Variants in CTBP2 observed in about 807,000 individuals in gnomAD.
CTBP2 encodes the protein C-terminal-binding protein 2.
Under a neutral mutation model 80.3 loss-of-function variants are expected in CTBP2, and 30 were observed. That is an observed-to-expected ratio of 0.37 (90% CI 0.28 to 0.51). The LOEUF (loss-of-function observed/expected upper bound fraction) is 0.51, where lower values mean the gene tolerates loss of function less well. CTBP2 is among the 20% of genes least tolerant of loss of function. The pLI, the probability that CTBP2 is intolerant of heterozygous loss-of-function variation, is 0.93. For missense variants in CTBP2, 1,212 were observed against 1,375.3 expected (o/e 0.88, Z 1.88); for synonymous variants, 594 against 587.4 (o/e 1.01, Z -0.16).
chr10:125,063,312 AC>A (rs773652508), intron 2 of CTBP2, among the ~76,000 whole-genome samples: 5 of 152,188 alleles, frequency 3.3e-5, no homozygotes, highest in Non-Finnish European at 5.9e-5. Context: ...CTTAAGAAAT[AC>A]GGAGAATTTA....
At chr10:125,039,382 C>T (rs1959178889) in intron 2 of CTBP2, among the ~76,000 whole-genome samples, 1 of 152,240 alleles carries the variant, frequency 6.6e-6, no homozygotes, top group Non-Finnish European at 1.5e-5. Context: ...ACAAGACAAT[C>T]GTCAGTTATT....
chr10:124,989,911 A>G (rs1264860288), intron 8 of CTBP2, among the ~76,000 whole-genome samples: 2 of 151,696 alleles, frequency 1.3e-5, no homozygotes, highest in African/African-American at 4.8e-5. Flanking sequence ...TAGTTTTTGT[A>G]TTTTTTTGTA....
Position 124,993,319 on chromosome 10 carries a change from C to A in CTBP2, c.2542G>T (p.Gly848Cys), listed in dbSNP as rs1029335229. The change falls in exon 7 of 9, where the codon GGT becomes TGT. Residue 848 changes from glycine (G) to cysteine (C), a missense_variant. Around this residue, in one of 3 missense-constraint regions of CTBP2, gnomAD observed 335 missense variants for 504.7 expected, o/e 0.66. Transcript: ENST00000309035. Reference sequence around the variant, plus strand: ...AGATTCGGGGCATCTTTCAACGGACCCTGAGCAAAGCTAGAAAAATGTAGA... The same window carrying A: ...AGATTCGGGGCATCTTTCAACGGACACTGAGCAAAGCTAGAAAAATGTAGA... 2.5e-6 allele frequency: 4 copies of A among 1,607,582 alleles called. No individual in the cohort carries two copies. Among genetic ancestry groups the A allele is most frequent in the East Asian group, 2.2e-5 (1 of 44,706 alleles).
chr10:125,145,884 G>A (rs1423507908), intron 1 of CTBP2, among the ~76,000 whole-genome samples: 1 of 151,984 alleles, frequency 6.6e-6, no homozygotes, highest in East Asian at 1.9e-4. Context: ...GTTTCCCAAG[G>A]GCATTTTCAA....
intron 5 of CTBP2, 52 bp downstream of exon 7, chr10:124,994,417 A>G: frequency 1.3e-6 from 2 of 1,571,748 alleles, no homozygotes; most frequent in Admixed American, 3.4e-5. Flanking sequence ...GCCCACAAGC[A>G]AGTGCTACCA....
intron 1 of CTBP2, among the ~76,000 whole-genome samples, chr10:125,151,069 G>A (rs1355294123): frequency 6.6e-6 from 1 of 152,098 alleles, no homozygotes; most frequent in Non-Finnish European, 1.5e-5. Flanking sequence ...CAGCGAGCTA[G>A]TGCCAGACAC....
chr10:125,010,160 G>A (rs1955708662), intron 1 of CTBP2, among the ~76,000 whole-genome samples: 1 of 143,912 alleles, frequency 6.9e-6, no homozygotes, highest in East Asian at 2.1e-4. Flanking sequence ...TCCGGGAGCA[G>A]CTTCAAGGCA....
intron 2 of CTBP2, among the ~76,000 whole-genome samples, chr10:125,045,226 C>G (rs1960927082): frequency 6.6e-6 from 1 of 152,110 alleles, no homozygotes; most frequent in South Asian, 2.1e-4. Flanking sequence ...AGCAGGCCCT[C>G]CCAGATCCTG....
chr10:125,017,113 C>T (rs1288728261), intron 1 of CTBP2, among the ~76,000 whole-genome samples: 4 of 152,196 alleles, frequency 2.6e-5, no homozygotes, highest in East Asian at 1.9e-4. Context: ...GGGAAGTCAG[C>T]GCCAAAGAAC....
intron 1 of CTBP2, among the ~76,000 whole-genome samples, chr10:125,130,389 G>C (rs1281807714): frequency 1.3e-5 from 2 of 152,134 alleles, no homozygotes; most frequent in African/African-American, 4.8e-5. Context: ...GAGCCTCTTT[G>C]GAGGCAGGGC....
At chr10:125,003,203 C>T (rs1954770536) in intron 2 of CTBP2, 99 bp from the exon 5 acceptor site, 6 of 1,585,786 alleles carry the variant, frequency 3.8e-6, no homozygotes, top group Non-Finnish European at 8.6e-7. Flanking sequence ...GAACCTGAGG[C>T]AGAGGAGTTC....
At chr10:125,161,028 G>A (rs1332160276), upstream of CTBP2, 1 of 150,670 alleles carries the variant, frequency 6.6e-6, no homozygotes, top group Non-Finnish European at 1.5e-5. Context: ...CGGGAGGCGA[G>A]GTGAGGGTCG....
rs186203147 is a variant in CTBP2 at position 125,114,881 on chromosome 10, T to A, written c.-205-3788A>T. Among the ~76,000 whole-genome samples, 3 of 145,890 alleles carry A rather than the reference T, an allele frequency of 2.1e-5. No individual in the cohort carries two copies. In the East Asian group the frequency reaches 6.6e-4, roughly 32 times the overall value. ...CCATGCCGCCTGCTGTGAGCAGCAT[T>A]CATCTAACCAAGTGCCCGCTTACCT... On this transcript the variant is annotated intron_variant, in intron 1 of 10. Coordinates refer to the CTBP2 transcript ENST00000337195.
intron 8 of CTBP2, among the ~76,000 whole-genome samples, chr10:124,990,699 G>A (rs1276031100): frequency 6.6e-6 from 1 of 152,196 alleles, no homozygotes; most frequent in African/African-American, 2.4e-5. Context: ...ACACCTTAAA[G>A]GTGATGACCT....
chr10:125,051,502 TG>T (rs1962749277), intron 2 of CTBP2, among the ~76,000 whole-genome samples: 1 of 152,050 alleles, frequency 6.6e-6, no homozygotes. Flanking sequence ...TAGCCAGGTG[TG>T]GTGGTGGGCA....
intron 2 of CTBP2, among the ~76,000 whole-genome samples, chr10:125,046,277 C>A (rs1961208768): frequency 6.6e-6 from 1 of 152,068 alleles, no homozygotes; most frequent in Admixed American, 6.6e-5. Flanking sequence ...TGGCTCATAC[C>A]TGTAATCCTA....
At chr10:125,097,737 T>C (rs755133735) in intron 2 of CTBP2, among the ~76,000 whole-genome samples, 7 of 152,130 alleles carry the variant, frequency 4.6e-5, no homozygotes, top group Non-Finnish European at 8.8e-5. Context: ...GTGAGGGGCA[T>C]TGGCAACTTG....
intron 2 of CTBP2, among the ~76,000 whole-genome samples, chr10:125,095,048 G>T (rs1170852792): frequency 6.6e-6 from 1 of 152,062 alleles, no homozygotes; most frequent in Non-Finnish European, 1.5e-5. Context: ...AGAAGAAGCT[G>T]ACCCACAGCC....
At chr10:125,162,428 T>A (rs1861950718), upstream of CTBP2, 1 of 152,288 alleles carries the variant, frequency 6.6e-6, no homozygotes, top group South Asian at 2.1e-4. Flanking sequence ...CATTAAACAT[T>A]TCTTAAATCC....
Sources: gnomAD v4.1 joint callset for allele counts (sites outside exome capture counted in the v4.1 genomes callset) on GRCh38, gnomAD v4.1.1 for gene constraint, gnomAD v4.1.1 regional missense constraint, MANE v1.5 for transcripts, NCBI Gene and HGNC (gene_info 2026-07-23, HGNC 2026-07-21) for gene names.